Variants in PAFAH1B1 observed in about 807,000 individuals in gnomAD.
PAFAH1B1 encodes platelet-activating factor acetylhydrolase IB subunit beta.
PAFAH1B1 carries 2 observed loss-of-function variants against 57.5 expected under a neutral mutation model. The observed-to-expected ratio is 0.03, with a 90% CI of 0.01 to 0.11. The LOEUF is 0.11. PAFAH1B1 is among the 10% of genes least tolerant of loss of function. PAFAH1B1 has a pLI of 1.00. For synonymous variants in PAFAH1B1, 152 were observed against 169.6 expected (o/e 0.90, Z 0.81); for missense variants, 257 against 512.0 (o/e 0.50, Z 4.81).
intron 1 of PAFAH1B1, among the ~76,000 whole-genome samples, chr17:2,605,593 C>G (rs2068195766): frequency 6.6e-6 from 1 of 152,104 alleles, no homozygotes. Context: ...TTTTCTGTTC[C>G]TTTTGCTGCT....
intron 6 of PAFAH1B1, among the ~76,000 whole-genome samples, chr17:2,671,854 C>T (rs1422040778): frequency 1.3e-5 from 2 of 152,098 alleles, no homozygotes; most frequent in Non-Finnish European, 2.9e-5. Flanking sequence ...CCGCCCGCCT[C>T]GGCCTCCCAA....
intron 2 of PAFAH1B1, among the ~76,000 whole-genome samples, chr17:2,665,088 G>A (rs1326017061): frequency 6.6e-6 from 1 of 151,958 alleles, no homozygotes; most frequent in Non-Finnish European, 1.5e-5. Context: ...TGTGAGGTAA[G>A]CAACACATTT....
chr17:2,607,776 G>A (rs969113522), intron 1 of PAFAH1B1, among the ~76,000 whole-genome samples: 1 of 151,918 alleles, frequency 6.6e-6, no homozygotes, highest in Non-Finnish European at 1.5e-5. Flanking sequence ...GTGAATCACC[G>A]CACCCGGCTT....
chr17:2,624,990 T>C (rs1157441770), intron 1 of PAFAH1B1, among the ~76,000 whole-genome samples: 1 of 152,162 alleles, frequency 6.6e-6, no homozygotes, highest in Non-Finnish European at 1.5e-5. Flanking sequence ...TCATTGCGCC[T>C]CTACTGTTAA....
intron 2 of PAFAH1B1, among the ~76,000 whole-genome samples, chr17:2,656,368 T>C (rs545056191): frequency 7.9e-5 from 12 of 152,070 alleles, no homozygotes; most frequent in African/African-American, 2.9e-4. Flanking sequence ...GAGGATCCAT[T>C]GAGCCCAGGA....
At chr17:2,625,265 A>G (rs1482964252) in intron 1 of PAFAH1B1, among the ~76,000 whole-genome samples, 2 of 152,214 alleles carry the variant, frequency 1.3e-5, no homozygotes, top group African/African-American at 2.4e-5. Context: ...CAAATGAAAA[A>G]ATCAGACTCT....
chr17:2,653,188 CAT>C (rs1459612076), intron 2 of PAFAH1B1, among the ~76,000 whole-genome samples: 1 of 152,102 alleles, frequency 6.6e-6, no homozygotes, highest in Non-Finnish European at 1.5e-5. Context: ...CCAAACACCA[CAT>C]GTTCTCACTC....
rs1456030326 is a variant in PAFAH1B1, at chr17:2,681,684, A to G, written c.1160-45A>G. 2.0e-6 allele frequency: 3 copies of G among 1,473,126 alleles called. No homozygotes were observed. The African/African-American group carries it at 4.2e-5, about 20-fold the overall frequency. 91.3% of individuals were successfully genotyped at this position (1,473,126 alleles called of 1,614,324 possible). On this transcript the variant is annotated intron_variant, in intron 10 of 10. Transcript: ENST00000397195. ...GGGGGTCTCACTATGTTTGTTGTCC[A>G]GGCTTACGTGTGAGTTTTAAATAAA...
chr17:2,649,327 T>G (rs929947145), intron 2 of PAFAH1B1, among the ~76,000 whole-genome samples: 5 of 151,842 alleles, frequency 3.3e-5, no homozygotes, highest in African/African-American at 1.2e-4. Context: ...AATCCCAGCA[T>G]TTTGGAAGGC....
At chr17:2,667,692 A>G (rs1297393142) in intron 5 of PAFAH1B1, among the ~76,000 whole-genome samples, 1 of 151,988 alleles carries the variant, frequency 6.6e-6, no homozygotes, top group Non-Finnish European at 1.5e-5. Context: ...CTGCAAAAGA[A>G]TTCAGTAGAG....
chr17:2,656,586 GAT>G (rs973416892), intron 2 of PAFAH1B1, among the ~76,000 whole-genome samples: 5 of 152,202 alleles, frequency 3.3e-5, no homozygotes, highest in Admixed American at 3.3e-4. Context: ...CAGTATTGTA[GAT>G]AATTGAATAT....
chr17:2,601,546 A>G (rs1321377124), intron 1 of PAFAH1B1, among the ~76,000 whole-genome samples: 1 of 152,096 alleles, frequency 6.6e-6, no homozygotes, highest in Non-Finnish European at 1.5e-5. Flanking sequence ...GATTCAAGCA[A>G]TTCTCCTGCC....
chr17:2,633,844 C>T (rs1182319976), intron 1 of PAFAH1B1, among the ~76,000 whole-genome samples: 1 of 151,996 alleles, frequency 6.6e-6, no homozygotes, highest in Non-Finnish European at 1.5e-5. Flanking sequence ...TGAACTGTTA[C>T]TTTCAGCCTC....
chr17:2,609,048 A>C (rs1355948650), intron 1 of PAFAH1B1, among the ~76,000 whole-genome samples: 2 of 152,220 alleles, frequency 1.3e-5, no homozygotes, highest in Non-Finnish European at 2.9e-5. Context: ...ACATTTAAAA[A>C]CTAGCTGTTT....
At chr17:2,625,683 T>C (rs982712988) in intron 1 of PAFAH1B1, among the ~76,000 whole-genome samples, 7 of 152,202 alleles carry the variant, frequency 4.6e-5, no homozygotes, top group Admixed American at 4.6e-4. Context: ...CTCAGCACTT[T>C]GGGTGGCCGA....
intron 1 of PAFAH1B1, among the ~76,000 whole-genome samples, chr17:2,623,261 C>CTTT (rs376810275): frequency 7.7e-5 from 8 of 103,940 alleles, no homozygotes; most frequent in East Asian, 5.6e-4. Context: ...TTTTTCCTTT[C>CTTT]TTTTTTTTTT....
At chr17:2,641,481 C>G (rs1181343785) in intron 2 of PAFAH1B1, 5 of 151,794 alleles carry the variant, frequency 3.3e-5, no homozygotes, top group African/African-American at 1.2e-4. Context: ...TTGGTGTGAA[C>G]TCATGAGTTC....
chr17:2,594,929 G>C (rs1011634636), intron 1 of PAFAH1B1, among the ~76,000 whole-genome samples: 3 of 152,210 alleles, frequency 2.0e-5, no homozygotes, highest in Non-Finnish European at 4.4e-5. Context: ...TAGAGGGGAA[G>C]AGGTTTTCCG....
At chr17:2,598,758 A>G (rs2068110768) in intron 1 of PAFAH1B1, among the ~76,000 whole-genome samples, 1 of 152,172 alleles carries the variant, frequency 6.6e-6, no homozygotes, top group African/African-American at 2.4e-5. Context: ...AGAAATCTGT[A>G]TTTCATGAAG....
Sources: allele counts gnomAD v4.1 joint callset (sites outside exome capture counted in the v4.1 genomes callset), GRCh38; gene constraint gnomAD v4.1.1; transcripts MANE v1.5; gene names NCBI Gene and HGNC (gene_info 2026-07-23, HGNC 2026-07-21).